The following NLRP1 variants were observed in gnomAD, a reference collection of about 807,000 sequenced individuals.
NLRP1 encodes NACHT, LRR and PYD domains-containing protein 1.
In NLRP1, 94 loss-of-function variants were observed where a neutral mutation model predicts 136.7. The ratio of observed to expected loss-of-function variants is 0.69; its 90% CI spans 0.58 to 0.82. The LOEUF (loss-of-function observed/expected upper bound fraction) is 0.82, where lower values mean the gene tolerates loss of function less well. Ranked by LOEUF, NLRP1 falls within the 40% of genes least tolerant of loss-of-function variation. The pLI is 0.00. For synonymous variants in NLRP1, 690 were observed against 725.1 expected, an observed-to-expected ratio of 0.95 and a Z score of 0.78; for missense variants, 1,575 against 1,802.7, an observed-to-expected ratio of 0.87 and a Z score of 2.29.
rs1271959892 is a variant in NLRP1 at position 5,521,003 on chromosome 17, C to A, written c.3793G>T (p.Asp1265Tyr). 6.2e-7 allele frequency: 1 copy of A among 1,607,750 alleles called. No individual in the cohort carries two copies. Residue 1265 changes from aspartate to tyrosine, a missense_variant, in exon 14 of 17, where the codon GAT (aspartate) becomes TAT (tyrosine). By Grantham distance (160) the Asp-to-Tyr change is radical (BLOSUM62 -3). Coordinates refer to ENST00000572272, the MANE Select transcript of NLRP1 (RefSeq NM_033004.4). The stretch of plus-strand genomic sequence containing the variant: ...ACAAACTGGAATTTCATTTCTAGAT[C>A]ATCTATGGCCTACAGAACATAGGGA... ...SDCSIRKAID[D>Y]LEMKFQFVRI...
Position 5,558,973 on chromosome 17 carries a change from CCAGAGAGCAGAGGT to C in NLRP1, c.1709_1722del (p.Asp570GlyfsTer3). The C allele has an allele frequency of 6.2e-7, 1 of 1,614,144 alleles. No homozygotes were observed. Among genetic ancestry groups the C allele is most frequent in the Non-Finnish European group, 8.5e-7 (1 of 1,180,008 alleles). ...TTTTTTTGCCAGATGCCCTCAGCAG[CCAGAGAGCAGAGGT>C]CTCTGAGCTGGGGTCCCAATGGCTG... On this transcript the variant is annotated frameshift_variant, in exon 4 of 17. Coordinates refer to ENST00000572272, the MANE Select transcript of NLRP1 (RefSeq NM_033004.4). LOFTEE classifies it high-confidence loss of function.
intron 12 of NLRP1, among the ~76,000 whole-genome samples, chr17:5,526,875 G>A (rs1909619175): frequency 6.6e-6 from 1 of 152,250 alleles, no homozygotes; most frequent in Admixed American, 6.5e-5. Flanking sequence ...AAAGCCTCAA[G>A]CTCTAGCTAT....
chr17:5,546,133 CA>C, intron 5 of NLRP1, among the ~76,000 whole-genome samples: 1 of 152,266 alleles, frequency 6.6e-6, no homozygotes, highest in East Asian at 1.9e-4. Context: ...GAGATGGATT[CA>C]AATCTTGCCT....
In NLRP1 at chr17:5,559,356, G is replaced by A. The variant is rs142594927; in HGVS notation, c.1340C>T (p.Thr447Ile). Residue 447 changes from threonine to isoleucine, a missense_variant, in exon 4 of 17, where the codon ACT becomes ATT. Coordinates refer to ENST00000572272, the MANE Select transcript of NLRP1 (RefSeq NM_033004.4). ...DALLGSLLGK[T>I]ILPEASFLIT... is the part of the protein sequence containing the mutation. Reference sequence around the variant, plus strand: ...CAGGAAGGATGCCTCGGGAAGTATAGTTTTCCCCAGCAAACTGCCCAGCAG... The same window carrying A: ...CAGGAAGGATGCCTCGGGAAGTATAATTTTCCCCAGCAAACTGCCCAGCAG... 1.5e-5 allele frequency: 25 copies of A among 1,613,866 alleles called. No individual in the cohort carries two copies. The highest frequency in any genetic ancestry group is 1.9e-5 in the Non-Finnish European group (23 of 1,179,896).
rs1232527084 is a variant in NLRP1 at position 5,537,804 on chromosome 17, G to A, written c.2871-864C>T. On this transcript the variant is annotated intron_variant, in intron 7 of 16. Coordinates refer to ENST00000572272, the MANE Select transcript of NLRP1 (RefSeq NM_033004.4). The surrounding 1 kb of genome is among the most constrained non-coding windows in gnomAD (Gnocchi z 4.5). Reference sequence around the variant, plus strand: ...ACCCCCTCAGAAGCAGCCCAGGTTTGACAGGTAAGTGTTGAGCTGGGGCCT... The same window carrying A: ...ACCCCCTCAGAAGCAGCCCAGGTTTAACAGGTAAGTGTTGAGCTGGGGCCT... 6.6e-6 allele frequency among the ~76,000 whole-genome samples: 1 copy of A among 152,210 alleles called. No homozygotes were observed. The highest frequency in any genetic ancestry group is 1.5e-5 in the Non-Finnish European group (1 of 68,040).
chr17:5,530,812 C>T lies in NLRP1; in HGVS notation c.3297-108G>A, dbSNP rs567917866. ...GCGGATACGGTACAGTGGCTTCAAG[C>T]CCAGACTTCGGAATCAGATGGACTT... is the stretch of plus-strand genomic sequence containing the variant. On this transcript the variant is annotated intron_variant, in intron 11 of 16. Transcript: ENST00000572272. The T allele has an allele frequency of 3.5e-4, 276 of 784,818 alleles. No individual in the cohort carries two copies. In the African/African-American group the frequency reaches 3.7e-3, roughly 11 times the overall value. 48.6% of individuals were successfully genotyped at this position (784,818 alleles called of 1,614,324 possible). A position where few individuals can be genotyped will look rare whatever the true frequency, so the allele number is the denominator to read the frequency against.
In NLRP1 at chr17:5,559,320, C is replaced by T. The variant is rs753132266; in HGVS notation, c.1376G>A (p.Arg459Gln). The change falls in exon 4 of 17, where the codon CGG becomes CAG. Residue 459 changes from arginine to glutamine, a missense_variant. Arg to Gln is a conservative substitution (Grantham distance 43, BLOSUM62 1). Coordinates refer to ENST00000572272, the MANE Select transcript of NLRP1 (RefSeq NM_033004.4). ...AATGAGGTTCTGCAGAGCTGTGGTC[C>T]GAGCCGTGATCAGGAAGGATGCCTC... Reference protein sequence around the residue: ...LPEASFLITARTTALQNLIPS... With the variant: ...LPEASFLITAQTTALQNLIPS... 5.6e-6 allele frequency: 9 copies of T among 1,613,662 alleles called. No individual in the cohort carries two copies. The highest frequency in any genetic ancestry group is 1.1e-5 in the South Asian group (1 of 91,062).
At chr17:5,521,447 T>A (rs145521497) in intron 13 of NLRP1, 77 bp downstream of exon 13, 78 of 1,502,496 alleles carry the variant, frequency 5.2e-5, no homozygotes, top group Middle Eastern at 2.4e-4. Flanking sequence ...TTGAAGACCC[T>A]CTAGGGGGCT....
At chr17:5,561,968 C>T (rs1008753752) in intron 3 of NLRP1, among the ~76,000 whole-genome samples, 23 of 151,806 alleles carry the variant, frequency 1.5e-4, no homozygotes, top group Non-Finnish European at 2.2e-4. Flanking sequence ...CACCCACCAC[C>T]GCCTCTCCTA....
chr17:5,577,358 A>G (rs547498481), intron 3 of NLRP1, among the ~76,000 whole-genome samples: 8 of 152,362 alleles, frequency 5.3e-5, no homozygotes, highest in Non-Finnish European at 1.0e-4. Flanking sequence ...GAATATTTAG[A>G]AAACCCCATC....
At chr17:5,555,034 CA>C (rs1567657126) in intron 4 of NLRP1, among the ~76,000 whole-genome samples, 13 of 151,574 alleles carry the variant, frequency 8.6e-5, no homozygotes, top group African/African-American at 2.4e-4. Context: ...CACACACACA[CA>C]CACACACACA....
intron 3 of NLRP1, among the ~76,000 whole-genome samples, chr17:5,564,711 A>AGT (rs1406775297): frequency 5.7e-5 from 8 of 139,808 alleles, no homozygotes; most frequent in Non-Finnish European, 1.2e-4. Flanking sequence ...TATACCCTGC[A>AGT]GTGAGATTGC....
At chr17:5,554,421 G>A (rs1362971623) in intron 4 of NLRP1, among the ~76,000 whole-genome samples, 5 of 152,040 alleles carry the variant, frequency 3.3e-5, no homozygotes, top group African/African-American at 1.2e-4. Flanking sequence ...TTTCTGGTTG[G>A]ATATCCCCAC....
At chr17:5,564,020 A>G (rs932795698) in intron 3 of NLRP1, among the ~76,000 whole-genome samples, 3 of 152,186 alleles carry the variant, frequency 2.0e-5, no homozygotes, top group Non-Finnish European at 4.4e-5. Flanking sequence ...ATTCCAGCCA[A>G]TAATTTCTTT....
At position 5,541,968 on chromosome 17, in the gene NLRP1, G is replaced by A; in HGVS notation, c.2588C>T (p.Ala863Val). ...GTCCAGCTCGGTCAGGGTCTGGTTG[G>A]CTCTCAGCCCAAAGGCAAGGTCCTT... ...DCKDLAFGLR[A>V]NQTLTELDLS... Residue 863 changes from alanine (A) to valine (V), a missense_variant, in exon 6 of 17, where the codon GCC becomes GTC. Physicochemically the swap from Ala to Val is moderately conservative, Grantham distance 64. Transcript: ENST00000572272. The surrounding 1 kb of genome is among the most constrained non-coding windows in gnomAD (Gnocchi z 4.2). The A allele has an allele frequency of 1.2e-6, 2 of 1,614,072 alleles. No individual in the cohort carries two copies. The highest frequency in any genetic ancestry group is 8.5e-7 in the Non-Finnish European group (1 of 1,180,002).
At chr17:5,563,792 C>T (rs1226746021) in intron 3 of NLRP1, among the ~76,000 whole-genome samples, 4 of 152,196 alleles carry the variant, frequency 2.6e-5, no homozygotes, top group Admixed American at 2.0e-4. Context: ...AGATACTATA[C>T]AAGACAATCA....
intron 3 of NLRP1, among the ~76,000 whole-genome samples, chr17:5,579,083 G>A (rs1443387812): frequency 6.6e-6 from 1 of 152,088 alleles, no homozygotes; most frequent in Non-Finnish European, 1.5e-5. Context: ...GACACAGGAA[G>A]GGCAACATCA....
At chr17:5,531,173 A>AATCTATCTATCT (rs5819032) in intron 11 of NLRP1, among the ~76,000 whole-genome samples, 1,775 of 141,522 alleles carry the variant, frequency 0.013, 21 homozygotes, top group East Asian at 0.03. Context: ...TAATCTATCT[A>AATCTATCTATCT]ATCTATCTAT....
intron 11 of NLRP1, among the ~76,000 whole-genome samples, chr17:5,531,140 GTCTGTCTA>G (rs535161497): frequency 0.065 from 8,461 of 130,998 alleles, 320 homozygotes; most frequent in South Asian, 0.16. Context: ...GTCTTGTCTT[GTCTGTCTA>G]TCTATCTATC....
Sources: gnomAD v4.1 joint callset for allele counts (sites outside exome capture counted in the v4.1 genomes callset) on GRCh38, gnomAD v4.1.1 for gene constraint, Gnocchi (gnomAD v3.1) non-coding constraint, MANE v1.5 for transcripts, NCBI Gene and HGNC (gene_info 2026-07-23, HGNC 2026-07-21) for gene names.